SH3RF3: variants seen among roughly 807,000 people sequenced by gnomAD.
SH3RF3 encodes SH3 domain containing ring finger 3.
SH3RF3 carries 29 observed loss-of-function variants against 66.3 expected under a neutral mutation model. The observed-to-expected ratio is 0.44, with a 90% CI of 0.33 to 0.60. The LOEUF is 0.60. Ranked by LOEUF, SH3RF3 falls within the 20% of genes least tolerant of loss-of-function variation. The pLI is 0.04. For missense variants in SH3RF3, 1,194 were observed against 1,190.9 expected, an observed-to-expected ratio of 1.00 and a Z score of -0.04; for synonymous variants, 583 against 532.0, an observed-to-expected ratio of 1.10 and a Z score of -1.32.
At chr2:109,469,022 G>A (rs1405045571) in intron 8 of SH3RF3, among the ~76,000 whole-genome samples, 1 of 151,406 alleles carries the variant, frequency 6.6e-6, no homozygotes, top group African/African-American at 2.4e-5. Flanking sequence ...CCAGCCACCA[G>A]TCTTGGCTCA....
chr2:109,215,549 C>T (rs1679085627), intron 1 of SH3RF3, among the ~76,000 whole-genome samples: 1 of 152,106 alleles, frequency 6.6e-6, no homozygotes, highest in Admixed American at 6.5e-5. Context: ...GGGTTCCTCT[C>T]GGGAGAGCCC....
At chr2:109,297,873 A>G (rs530833690) in intron 1 of SH3RF3, among the ~76,000 whole-genome samples, 19 of 151,124 alleles carry the variant, frequency 1.3e-4, no homozygotes, top group Admixed American at 3.3e-4. Context: ...CCAGGCCAAT[A>G]CCCTCCACAT....
intron 3 of SH3RF3, among the ~76,000 whole-genome samples, chr2:109,377,985 C>T (rs897358342): frequency 2.6e-5 from 4 of 152,254 alleles, no homozygotes; most frequent in Non-Finnish European, 4.4e-5. Context: ...TTCTGCACTA[C>T]CTCAAAGTAG....
intron 1 of SH3RF3, among the ~76,000 whole-genome samples, chr2:109,224,990 A>G (rs2105162671): frequency 6.6e-6 from 1 of 152,344 alleles, no homozygotes; most frequent in South Asian, 2.1e-4. Flanking sequence ...CTTATTTTAA[A>G]AAGAATTTTG....
chr2:109,318,484 A>C (rs1681939770), intron 1 of SH3RF3, among the ~76,000 whole-genome samples: 1 of 152,186 alleles, frequency 6.6e-6, no homozygotes, highest in African/African-American at 2.4e-5. Flanking sequence ...TATCTGAGTG[A>C]CTGAATCATA....
intron 5 of SH3RF3, among the ~76,000 whole-genome samples, chr2:109,428,002 C>T (rs1677083070): frequency 6.6e-6 from 1 of 152,260 alleles, no homozygotes; most frequent in Admixed American, 6.5e-5. Context: ...CCTGCTTCAG[C>T]CCTTCCACAG....
intron 1 of SH3RF3, among the ~76,000 whole-genome samples, chr2:109,242,295 A>G (rs972033856): frequency 2.0e-5 from 3 of 152,042 alleles, no homozygotes; most frequent in Non-Finnish European, 4.4e-5. Flanking sequence ...AATGTCACCA[A>G]TTGGGTGGAA....
Position 109,314,972 on chromosome 2 carries a change from C to T in SH3RF3, c.574-32702C>T, listed in dbSNP as rs1681836895. ...CTTGGCAAAGCCCACAGTTTGAGAA[C>T]CCCCAGCAGGCATTCCAGAGCTGCA... On this transcript the variant is annotated intron_variant, in intron 1 of 9. Transcript: ENST00000309415. Among the ~76,000 whole-genome samples, 5 of 152,168 alleles carry T rather than the reference C, an allele frequency of 3.3e-5. No individual in the cohort carries two copies. The South Asian group carries it at 1.0e-3, about 32-fold the overall frequency.
At chr2:109,255,707 A>G (rs564770210) in intron 1 of SH3RF3, among the ~76,000 whole-genome samples, 2 of 152,362 alleles carry the variant, frequency 1.3e-5, no homozygotes, top group African/African-American at 4.8e-5. Flanking sequence ...CACTGGGGTG[A>G]TAATTCATGG....
At chr2:109,298,981 G>A (rs779602931) in intron 1 of SH3RF3, among the ~76,000 whole-genome samples, 40 of 152,146 alleles carry the variant, frequency 2.6e-4, no homozygotes, top group Non-Finnish European at 5.0e-4. Flanking sequence ...GGCCCACGCC[G>A]GCCTGCACCA....
At position 109,309,583 on chromosome 2, in the gene SH3RF3, C is replaced by T. The variant is rs1448024360; in HGVS notation, c.574-38091C>T. Among the ~76,000 whole-genome samples the T allele has an allele frequency of 3.1e-5, 4 of 129,300 alleles. 2 individuals carry two copies. Among genetic ancestry groups the T allele is most frequent in the African/African-American group, 7.5e-5 (2 of 26,742 alleles). 84.8% of individuals were successfully genotyped at this position (129,300 alleles called of 152,430 possible). On this transcript the variant is annotated intron_variant, in intron 1 of 9. Coordinates refer to ENST00000309415, the MANE Select transcript of SH3RF3 (RefSeq NM_001099289.3). ...AATTGGATAAAGAGTCAAGACCCAT[C>T]AGTGTGCTGTATTCAGGAAACCCAT...
intron 4 of SH3RF3, among the ~76,000 whole-genome samples, chr2:109,401,547 T>A (rs944260526): frequency 1.3e-5 from 2 of 152,166 alleles, no homozygotes; most frequent in African/African-American, 4.8e-5. Flanking sequence ...CTGTAATTTG[T>A]GAGTAATATG....
chr2:109,395,298 T>G (rs1676111334), intron 3 of SH3RF3, among the ~76,000 whole-genome samples: 1 of 152,180 alleles, frequency 6.6e-6, no homozygotes, highest in Admixed American at 6.5e-5. Context: ...CACTCTGGGC[T>G]TTCAGAACGA....
intron 1 of SH3RF3, among the ~76,000 whole-genome samples, chr2:109,224,236 G>A (rs1309329730): frequency 6.6e-6 from 1 of 152,258 alleles, no homozygotes; most frequent in East Asian, 1.9e-4. Context: ...TAGCTAATCA[G>A]ATCTATCAAA....
In SH3RF3 at chr2:109,478,615, T is replaced by C. The variant is rs528288285; in HGVS notation, c.2149-11990T>C. Reference sequence around the variant, plus strand: ...ATGCTTCCAACATTTCTGTCAACTTTTCCTAAGAAGTTTGTTGGAATGCGC... The same window carrying C: ...ATGCTTCCAACATTTCTGTCAACTTCTCCTAAGAAGTTTGTTGGAATGCGC... On this transcript the variant is annotated intron_variant, in intron 8 of 9. Transcript: ENST00000309415. Among the ~76,000 whole-genome samples, 5 of 152,338 alleles carry C rather than the reference T, an allele frequency of 3.3e-5. No individual in the cohort carries two copies. The South Asian group carries it at 1.0e-3, about 32-fold the overall frequency.
At chr2:109,228,270 C>G (rs1340430804) in intron 1 of SH3RF3, among the ~76,000 whole-genome samples, 1 of 152,160 alleles carries the variant, frequency 6.6e-6, no homozygotes. Context: ...TGTCTATCCC[C>G]CAAAGGCTTT....
At chr2:109,441,470 A>T (rs1438360899) in intron 7 of SH3RF3, among the ~76,000 whole-genome samples, 2 of 152,210 alleles carry the variant, frequency 1.3e-5, no homozygotes, top group African/African-American at 4.8e-5. Context: ...TGTAAACTTG[A>T]AGATATAGTA....
chr2:109,331,999 C>T (rs181363984), intron 1 of SH3RF3, among the ~76,000 whole-genome samples: 4 of 152,226 alleles, frequency 2.6e-5, no homozygotes, highest in East Asian at 3.9e-4. Context: ...TCGTGGATGC[C>T]GGCTGAGCCT....
intron 5 of SH3RF3, among the ~76,000 whole-genome samples, chr2:109,422,688 A>G (rs1237647536): frequency 6.6e-6 from 1 of 152,174 alleles, no homozygotes; most frequent in African/African-American, 2.4e-5. Flanking sequence ...GTCTGCTCCT[A>G]GAGGCCATGC....
Sources: gnomAD v4.1 joint callset for allele counts (sites outside exome capture counted in the v4.1 genomes callset) on GRCh38, gnomAD v4.1.1 for gene constraint, MANE v1.5 for transcripts, NCBI Gene and HGNC (gene_info 2026-07-23, HGNC 2026-07-21) for gene names.